The following COBL variants were observed in gnomAD, a reference collection of about 807,000 sequenced individuals.
COBL encodes cordon-bleu WH2 repeat protein.
COBL carries 51 observed loss-of-function variants against 98.8 expected under a neutral mutation model. That is an observed-to-expected ratio of 0.52 (90% CI 0.41 to 0.65). COBL has a LOEUF of 0.65. COBL is among the 30% of genes least tolerant of loss of function. COBL has a pLI of 0.00. For missense variants in COBL, 1,617 were observed against 1,617.5 expected (o/e 1.00, Z 0.01); for synonymous variants, 634 against 651.7 (o/e 0.97, Z 0.41).
At chr7:51,179,246 G>T (rs565141580) in intron 5 of COBL, among the ~76,000 whole-genome samples, 11 of 152,172 alleles carry the variant, frequency 7.2e-5, no homozygotes, top group Admixed American at 5.9e-4. Context: ...TGGTTGGTTG[G>T]TTTTTTTGGG....
intron 1 of COBL, among the ~76,000 whole-genome samples, chr7:51,234,377 C>T (rs1159354086): frequency 1.3e-5 from 2 of 152,178 alleles, no homozygotes; most frequent in African/African-American, 2.4e-5. Flanking sequence ...GCATCGGGCT[C>T]GCCCACTTCC....
intron 2 of COBL, among the ~76,000 whole-genome samples, chr7:51,196,128 G>GT (rs1313608575): frequency 6.6e-6 from 1 of 152,124 alleles, no homozygotes; most frequent in African/African-American, 2.4e-5. Context: ...GATCTTGGCT[G>GT]TGAATTTGTC....
rs561782580 is a variant in COBL, at chr7:51,225,907, T to C, written c.42-5963A>G. ...GTAGCTGAATTAAAACCTAACTCTA[T>C]AGGTGACAGCCACTGCCCAGCCAGG... On this transcript the variant is annotated intron_variant, in intron 1 of 12. Transcript: ENST00000265136. Among the ~76,000 whole-genome samples, 38 of 152,192 alleles carry C rather than the reference T, an allele frequency of 2.5e-4. No individual in the cohort carries two copies. In the South Asian group the frequency reaches 6.6e-3, roughly 27 times the overall value.
chr7:51,169,745 T>G (rs1787669892), intron 5 of COBL, among the ~76,000 whole-genome samples: 1 of 152,140 alleles, frequency 6.6e-6, no homozygotes, highest in African/African-American at 2.4e-5. Context: ...CAAAAAAGTA[T>G]ATAAAGAATG....
At chr7:51,175,329 C>A (rs1264043855) in intron 5 of COBL, among the ~76,000 whole-genome samples, 1 of 152,202 alleles carries the variant, frequency 6.6e-6, no homozygotes, top group African/African-American at 2.4e-5. Context: ...CCAAAAGGTG[C>A]ATGAACGTGA....
intron 8 of COBL, chr7:51,034,735 AG>A (rs1371905032): frequency 6.6e-6 from 1 of 152,138 alleles, no homozygotes; most frequent in Non-Finnish European, 1.5e-5. Context: ...AAGAAACATC[AG>A]CCTCTGTTAG....
At chr7:51,193,887 T>G (rs1298073930) in intron 2 of COBL, among the ~76,000 whole-genome samples, 1 of 152,188 alleles carries the variant, frequency 6.6e-6, no homozygotes, top group Non-Finnish European at 1.5e-5. Flanking sequence ...TAAGGTCTGT[T>G]AGCACAAATA....
intron 5 of COBL, chr7:51,156,146 G>T: frequency 3.1e-6 from 3 of 982,386 alleles, no homozygotes; most frequent in Non-Finnish European, 3.6e-6. Context: ...GTCCACTTAG[G>T]ATATATCACT....
At chr7:51,169,331 TTATGTCCCCCCA>T (rs1358680026) in intron 5 of COBL, among the ~76,000 whole-genome samples, 1 of 152,154 alleles carries the variant, frequency 6.6e-6, no homozygotes, top group African/African-American at 2.4e-5. Flanking sequence ...GATTGATGTA[TTATGTCCCCCCA>T]AAATGTATAA....
At chr7:51,063,225 C>T (rs1791566615) in intron 7 of COBL, among the ~76,000 whole-genome samples, 1 of 151,946 alleles carries the variant, frequency 6.6e-6, no homozygotes, top group Non-Finnish European at 1.5e-5. Flanking sequence ...ACCTCCACCT[C>T]CCGGGTTCAA....
chr7:51,018,881 A>G (rs1786569495), intron 12 of COBL, among the ~76,000 whole-genome samples: 1 of 108,096 alleles, frequency 9.3e-6, no homozygotes, highest in Non-Finnish European at 1.8e-5. Context: ...ACAAGAGAGA[A>G]ACTCCATCTC....
intron 5 of COBL, chr7:51,156,336 A>G (rs1347231072): frequency 3.0e-6 from 3 of 985,142 alleles, no homozygotes; most frequent in African/African-American, 3.5e-5. Context: ...GTCCAAGTTT[A>G]TCAAATTATC....
intron 1 of COBL, among the ~76,000 whole-genome samples, chr7:51,295,056 G>A (rs1801294618): frequency 6.6e-6 from 1 of 151,974 alleles, no homozygotes; most frequent in African/African-American, 2.4e-5. Context: ...GGAGACCGAG[G>A]CAGGCAGATC....
intron 12 of COBL, among the ~76,000 whole-genome samples, chr7:51,019,944 G>C (rs541251158): frequency 1.5e-4 from 23 of 152,262 alleles, no homozygotes; most frequent in Non-Finnish European, 3.4e-4. Context: ...CTCTTTCCTG[G>C]TTTGGGGCCT....
At chr7:51,025,019 C>T (rs1787382638) in intron 12 of COBL, 90 bp downstream of exon 12, 1 of 1,570,594 alleles carries the variant, frequency 6.4e-7, no homozygotes, top group South Asian at 1.1e-5. Context: ...CGCCTCGCAG[C>T]TCCTGCCCAC....
chr7:51,248,210 C>T (rs1167828931), intron 1 of COBL, among the ~76,000 whole-genome samples: 1 of 152,166 alleles, frequency 6.6e-6, no homozygotes, highest in African/African-American at 2.4e-5. Context: ...AAGAATTTTC[C>T]TCCTACTGTG....
At chr7:51,023,720 AGATCTGGAGAG>A (rs201214717) in intron 12 of COBL, among the ~76,000 whole-genome samples, 2,097 of 152,222 alleles carry the variant, frequency 0.014, 24 homozygotes, top group Non-Finnish European at 0.02. Context: ...TCTGAGTGGG[AGATCTGGAGAG>A]CTGTCTCCCT....
intron 7 of COBL, among the ~76,000 whole-genome samples, chr7:51,058,927 T>C (rs1791045271): frequency 6.6e-6 from 1 of 152,242 alleles, no homozygotes; most frequent in Non-Finnish European, 1.5e-5. Flanking sequence ...GATTACACCT[T>C]CTCGGCAGGT....
At chr7:51,046,272 T>G (rs1345333607) in intron 7 of COBL, among the ~76,000 whole-genome samples, 2 of 151,938 alleles carry the variant, frequency 1.3e-5, no homozygotes, top group Non-Finnish European at 2.9e-5. Context: ...GGGCAGGGTG[T>G]GGCCAAGGGG....
Sources: gnomAD v4.1 joint callset for allele counts (sites outside exome capture counted in the v4.1 genomes callset) on GRCh38, gnomAD v4.1.1 for gene constraint, MANE v1.5 for transcripts, NCBI Gene and HGNC (gene_info 2026-07-23, HGNC 2026-07-21) for gene names.